Variants in LPP observed in about 807,000 individuals in gnomAD.
LPP encodes lipoma-preferred partner.
In LPP, 38 loss-of-function variants were observed where a neutral mutation model predicts 60.4. The ratio of observed to expected loss-of-function variants is 0.63; its 90% confidence interval spans 0.49 to 0.83. The LOEUF (loss-of-function observed/expected upper bound fraction) is 0.83. Among genes scored for constraint, LPP ranks in the 40% least tolerant of loss-of-function variants. The probability of loss-of-function intolerance (pLI) is 0.00; values close to 1 mark genes in which losing one functional copy is unlikely to be tolerated. For synonymous variants in LPP, 328 were observed against 290.8 expected (o/e 1.13, Z -1.30); for missense variants, 902 against 783.6 (o/e 1.15, Z -1.80).
At chr3:188,720,475 C>A (rs546365717) in intron 8 of LPP, among the ~76,000 whole-genome samples, 3 of 152,118 alleles carry the variant, frequency 2.0e-5, no homozygotes, top group Non-Finnish European at 4.4e-5. Context: ...TGAAATAGTT[C>A]ATGAGAAGAG....
At chr3:188,514,632 G>A (rs57611032) in intron 5 of LPP, among the ~76,000 whole-genome samples, 6,427 of 152,014 alleles carry the variant, frequency 0.042, 387 homozygotes, top group African/African-American at 0.13. Context: ...AGTAGAGATG[G>A]CGTTTCGCCA....
intron 2 of LPP, among the ~76,000 whole-genome samples, chr3:188,309,403 C>G (rs534178582): frequency 2.0e-5 from 3 of 152,054 alleles, no homozygotes; most frequent in African/African-American, 7.3e-5. Context: ...TTAGATTGAG[C>G]GCACCTGAAG....
intron 7 of LPP, among the ~76,000 whole-genome samples, chr3:188,689,070 A>G (rs1026178047): frequency 2.6e-5 from 4 of 152,176 alleles, no homozygotes; most frequent in African/African-American, 9.7e-5. Context: ...TTCCTCCTCT[A>G]TCTCTGTGCC....
intron 9 of LPP, among the ~76,000 whole-genome samples, chr3:188,788,792 C>G (rs972491916): frequency 2.6e-5 from 4 of 152,204 alleles, no homozygotes; most frequent in Non-Finnish European, 4.4e-5. Flanking sequence ...AGCACGCCCC[C>G]CCGGCTCTAA....
At chr3:188,667,527 C>T (rs970314105) in intron 7 of LPP, among the ~76,000 whole-genome samples, 6 of 151,190 alleles carry the variant, frequency 4.0e-5, no homozygotes, top group Non-Finnish European at 7.4e-5. Context: ...TCCCTTTTGA[C>T]AGCTCCCACC....
At chr3:188,465,807 G>A (rs993415935) in intron 4 of LPP, among the ~76,000 whole-genome samples, 22 of 152,190 alleles carry the variant, frequency 1.4e-4, no homozygotes, top group Admixed American at 5.2e-4. Flanking sequence ...GGAATTTTCC[G>A]TCTTGGTAAT....
intron 2 of LPP, among the ~76,000 whole-genome samples, chr3:188,276,695 T>TCTCTCTCTCTCTCTC (rs1739908128): frequency 4.9e-4 from 8 of 16,416 alleles, no homozygotes; most frequent in African/African-American, 3.1e-3. Flanking sequence ...CTCTCTCTCT[T>TCTCTCTCTCTCTCTC]TCTCTCTCTC....
chr3:188,199,510 G>A (rs185482722), intron 1 of LPP, among the ~76,000 whole-genome samples: 51 of 152,256 alleles, frequency 3.3e-4, no homozygotes, highest in Middle Eastern at 6.8e-3. Context: ...AGGCGCACCT[G>A]TATGGTGCTG....
chr3:188,624,197 G>A (rs1040997117), intron 7 of LPP, among the ~76,000 whole-genome samples: 2 of 152,182 alleles, frequency 1.3e-5, no homozygotes, highest in Non-Finnish European at 2.9e-5. Context: ...CTTGTGAACT[G>A]CTTGCCAAAA....
chr3:188,669,517 A>C (rs1856523066), intron 7 of LPP, among the ~76,000 whole-genome samples: 1 of 152,192 alleles, frequency 6.6e-6, no homozygotes, highest in African/African-American at 2.4e-5. Flanking sequence ...CGGAGCTTGC[A>C]GTGAGCCGAG....
intron 3 of LPP, among the ~76,000 whole-genome samples, chr3:188,354,267 T>C (rs1045399177): frequency 3.3e-5 from 5 of 152,230 alleles, no homozygotes; most frequent in Admixed American, 2.0e-4. Flanking sequence ...AAAGCTGATC[T>C]GTAGTGAATG....
intron 5 of LPP, among the ~76,000 whole-genome samples, chr3:188,509,818 A>G (rs1214440734): frequency 2.7e-5 from 4 of 149,364 alleles, no homozygotes; most frequent in African/African-American, 4.9e-5. Flanking sequence ...TCAGCTTCCC[A>G]AGTAGCTGGG....
At chr3:188,688,288 G>A (rs897103489) in intron 7 of LPP, among the ~76,000 whole-genome samples, 1 of 152,206 alleles carries the variant, frequency 6.6e-6, no homozygotes, top group Non-Finnish European at 1.5e-5. Flanking sequence ...CCTATGCAAT[G>A]TCATCTAGCC....
intron 4 of LPP, among the ~76,000 whole-genome samples, chr3:188,450,543 G>A (rs539748298): frequency 4.6e-5 from 7 of 152,098 alleles, no homozygotes; most frequent in East Asian, 3.9e-4. Context: ...TCATGAGTTC[G>A]AGACCAGCCT....
intron 5 of LPP, among the ~76,000 whole-genome samples, chr3:188,494,714 G>T (rs544961334): frequency 1.3e-5 from 2 of 152,030 alleles, no homozygotes; most frequent in South Asian, 4.2e-4. Flanking sequence ...AGCATAATGC[G>T]ATGGTTAACA....
At chr3:188,221,950 G>A (rs917458497) in intron 1 of LPP, among the ~76,000 whole-genome samples, 4 of 152,110 alleles carry the variant, frequency 2.6e-5, no homozygotes, top group Admixed American at 2.6e-4. Flanking sequence ...GATTTTGAAC[G>A]CCTGTGTTCA....
intron 2 of LPP, among the ~76,000 whole-genome samples, chr3:188,251,906 T>A (rs975920734): frequency 6.6e-6 from 1 of 151,234 alleles, no homozygotes; most frequent in Non-Finnish European, 1.5e-5. Flanking sequence ...AACATTAACA[T>A]GCTTCCAGAA....
At chr3:188,324,197 G>A (rs1199027500) in intron 2 of LPP, among the ~76,000 whole-genome samples, 1 of 152,074 alleles carries the variant, frequency 6.6e-6, no homozygotes, top group African/African-American at 2.4e-5. Flanking sequence ...ATTTAAGAAA[G>A]CTTAGAGGCA....
At chr3:188,494,857 A>G (rs972488993) in intron 5 of LPP, among the ~76,000 whole-genome samples, 10 of 151,668 alleles carry the variant, frequency 6.6e-5, no homozygotes, top group Non-Finnish European at 1.3e-4. Context: ...GATTGTTGTG[A>G]GGTTTCAAAG....
Sources: allele counts gnomAD v4.1 joint callset (sites outside exome capture counted in the v4.1 genomes callset), GRCh38; gene constraint gnomAD v4.1.1; transcripts MANE v1.5; gene names NCBI Gene and HGNC (gene_info 2026-07-23, HGNC 2026-07-21).